The following SCHIP1 variants were observed in gnomAD, a reference collection of about 807,000 sequenced individuals.
SCHIP1 encodes schwannomin interacting protein 1, also known as schwannomin-interacting protein 1.
A neutral mutation model predicts 29.7 loss-of-function variants in SCHIP1; 8 were observed. The ratio of observed to expected loss-of-function variants is 0.27; its 90% CI spans 0.16 to 0.49. SCHIP1 has a LOEUF of 0.49. SCHIP1 is among the 20% of genes least tolerant of loss of function. SCHIP1 has a pLI of 0.99. For synonymous variants in SCHIP1, 76 were observed against 94.9 expected (o/e 0.80, Z 1.16); for missense variants, 193 against 294.6 (o/e 0.66, Z 2.52).
the SCHIP1 span, among the ~76,000 whole-genome samples, chr3:159,527,553 A>C: frequency 2.2e-3 from 336 of 152,350 alleles, 1 homozygote; most frequent in African/African-American, 7.9e-3. Flanking sequence ...ATTGTTCATT[A>C]CTGCATGCTC....
At chr3:159,610,103 C>T in the SCHIP1 span, among the ~76,000 whole-genome samples, 857 of 152,288 alleles carry the variant, frequency 5.6e-3, 2 homozygotes, top group South Asian at 0.028. Flanking sequence ...CATGCTCAGA[C>T]AGATTTGATA....
the SCHIP1 span, among the ~76,000 whole-genome samples, chr3:159,802,271 A>G: frequency 6.6e-6 from 1 of 152,232 alleles, no homozygotes; most frequent in Non-Finnish European, 1.5e-5. Context: ...CCAAGGTCAC[A>G]TTGCAAGTAA....
the SCHIP1 span, among the ~76,000 whole-genome samples, chr3:159,280,781 T>C: frequency 6.6e-6 from 1 of 152,184 alleles, no homozygotes; most frequent in South Asian, 2.1e-4. Flanking sequence ...TTTCTGGGCT[T>C]GTGATATTCC....
chr3:159,309,025 G>T, the SCHIP1 span: 1 of 151,852 alleles, frequency 6.6e-6, no homozygotes, highest in African/African-American at 2.4e-5. Flanking sequence ...AGGGTGGCAG[G>T]GGGGTGGGTT....
the SCHIP1 span, among the ~76,000 whole-genome samples, chr3:159,609,760 T>C: frequency 1.9e-4 from 29 of 152,138 alleles, no homozygotes; most frequent in African/African-American, 6.5e-4. Context: ...ATGTGAGAGA[T>C]AAACATCTGT....
chr3:159,529,424 A>G, the SCHIP1 span, among the ~76,000 whole-genome samples: 9 of 152,188 alleles, frequency 5.9e-5, no homozygotes, highest in East Asian at 1.9e-4. Flanking sequence ...TCAAAAAACT[A>G]CTCACCTTTG....
chr3:159,609,861 G>A, the SCHIP1 span, among the ~76,000 whole-genome samples: 1 of 152,108 alleles, frequency 6.6e-6, no homozygotes, highest in East Asian at 1.9e-4. Context: ...CTAAGCGATG[G>A]AAAACCACAG....
At chr3:159,668,736 A>G in the SCHIP1 span, among the ~76,000 whole-genome samples, 1 of 152,178 alleles carries the variant, frequency 6.6e-6, no homozygotes, top group East Asian at 1.9e-4. Context: ...CAGACATTAC[A>G]TGAATTTTCT....
At chr3:159,573,412 C>A in the SCHIP1 span, among the ~76,000 whole-genome samples, 3 of 151,906 alleles carry the variant, frequency 2.0e-5, no homozygotes, top group Non-Finnish European at 4.4e-5. Flanking sequence ...GTTGAAAATT[C>A]TTTTAAGAAT....
At chr3:159,601,954 T>G in the SCHIP1 span, among the ~76,000 whole-genome samples, 1 of 152,178 alleles carries the variant, frequency 6.6e-6, no homozygotes, top group South Asian at 2.1e-4. Context: ...GCTCCAAAAG[T>G]GTACTCTGCC....
chr3:159,554,277 T>C, the SCHIP1 span, among the ~76,000 whole-genome samples: 1 of 152,138 alleles, frequency 6.6e-6, no homozygotes, highest in African/African-American at 2.4e-5. Flanking sequence ...AAGTTAGCCA[T>C]GAAATTTCAT....
the SCHIP1 span, among the ~76,000 whole-genome samples, chr3:159,625,808 G>T: frequency 6.6e-6 from 1 of 151,900 alleles, no homozygotes; most frequent in Non-Finnish European, 1.5e-5. Flanking sequence ...AAGCTTCACG[G>T]CTTCCCTCCC....
At chr3:159,799,181 C>T in the SCHIP1 span, among the ~76,000 whole-genome samples, 1 of 152,212 alleles carries the variant, frequency 6.6e-6, no homozygotes, top group Non-Finnish European at 1.5e-5. Context: ...CTCAGACATT[C>T]TTTCTTCCTG....
the SCHIP1 span, among the ~76,000 whole-genome samples, chr3:159,670,316 CTG>C: frequency 6.6e-6 from 1 of 152,150 alleles, no homozygotes; most frequent in Non-Finnish European, 1.5e-5. Context: ...ATCTCAGAGC[CTG>C]TGTATCTAGT....
intron 1 of SCHIP1, among the ~76,000 whole-genome samples, chr3:159,854,749 T>G (rs1020281234): frequency 6.6e-6 from 1 of 152,220 alleles, no homozygotes; most frequent in African/African-American, 2.4e-5. Context: ...GGTCATGGTG[T>G]CCTTTGTCAG....
the SCHIP1 span, among the ~76,000 whole-genome samples, chr3:159,578,531 C>G: frequency 6.6e-6 from 1 of 152,134 alleles, no homozygotes; most frequent in African/African-American, 2.4e-5. Flanking sequence ...CAAATTACTA[C>G]AAAATCAGTG....
At chr3:159,424,894 T>C in the SCHIP1 span, among the ~76,000 whole-genome samples, 4 of 145,192 alleles carry the variant, frequency 2.8e-5, no homozygotes, top group South Asian at 2.2e-4. Flanking sequence ...ATTCAACATT[T>C]TTAAAGAAAA....
the SCHIP1 span, among the ~76,000 whole-genome samples, chr3:159,704,941 C>T: frequency 1.3e-5 from 1 of 76,596 alleles, no homozygotes; most frequent in Non-Finnish European, 2.4e-5. Flanking sequence ...TCTTTCTTTC[C>T]TTTCTTTCTT....
At chr3:159,711,360 C>CAAAA in the SCHIP1 span, among the ~76,000 whole-genome samples, 3 of 6,746 alleles carry the variant, frequency 4.4e-4, no homozygotes, top group Non-Finnish European at 6.1e-4. Context: ...GACTCCGTCT[C>CAAAA]AAAAAAAAAA....
Sources: gnomAD v4.1 joint callset for allele counts (sites outside exome capture counted in the v4.1 genomes callset) on GRCh38, gnomAD v4.1.1 for gene constraint, MANE v1.5 for transcripts, NCBI Gene and HGNC (gene_info 2026-07-23, HGNC 2026-07-21) for gene names.